EFTUD2: variants seen among roughly 807,000 people sequenced by gnomAD.
EFTUD2 encodes 116 kDa U5 small nuclear ribonucleoprotein component.
A neutral mutation model predicts 114.3 loss-of-function variants in EFTUD2; 9 were observed. The observed-to-expected ratio is 0.08, with a 90% CI of 0.05 to 0.14. EFTUD2 has a LOEUF of 0.14. Among genes scored for constraint, EFTUD2 ranks in the 10% least tolerant of loss-of-function variants. EFTUD2 has a pLI of 1.00. For synonymous variants in EFTUD2, 449 were observed against 462.3 expected (o/e 0.97, Z 0.37); for missense variants, 765 against 1,241.2 (o/e 0.62, Z 5.76).
At chr17:44,876,610 T>C (rs528289758) in intron 9 of EFTUD2, among the ~76,000 whole-genome samples, 29 of 152,084 alleles carry the variant, frequency 1.9e-4, no homozygotes, top group Non-Finnish European at 3.8e-4. Flanking sequence ...TCCAGCACTT[T>C]GGGAGGCTGA....
chr17:44,895,570 C>T (rs1262201327), intron 1 of EFTUD2, among the ~76,000 whole-genome samples: 2 of 151,598 alleles, frequency 1.3e-5, no homozygotes, highest in African/African-American at 4.8e-5. Context: ...CAGTTGCCTT[C>T]ACACTGTAAT....
chr17:44,856,977 T>C, intron 20 of EFTUD2, 98 bp downstream of exon 20: 1 of 999,264 alleles, frequency 1.0e-6, no homozygotes, highest in Middle Eastern at 2.7e-4. Context: ...TAGAGGTCTC[T>C]ATGTGCATAG....
chr17:44,856,165 CA>C (rs1420588345), intron 20 of EFTUD2, among the ~76,000 whole-genome samples: 4 of 136,758 alleles, frequency 2.9e-5, no homozygotes, highest in Admixed American at 7.5e-5. Flanking sequence ...GCCACAGTAT[CA>C]GGGGCAAGGT....
chr17:44,879,011 G>A (rs1439658305), intron 9 of EFTUD2, among the ~76,000 whole-genome samples: 1 of 152,126 alleles, frequency 6.6e-6, no homozygotes, highest in Non-Finnish European at 1.5e-5. Context: ...TTTTATCTTT[G>A]TGTTTTCTGA....
rs1163697900 is a variant in EFTUD2, at chr17:44,857,162, G to T, written c.1963-5C>A. 1 of 1,613,396 alleles carries T rather than the reference G, an allele frequency of 6.2e-7. No homozygotes were observed. The highest frequency in any genetic ancestry group is 1.3e-5 in the African/African-American group (1 of 74,896). ...CGTGACAACTGGGTCAGCCACCTGG[G>T]AAACAGAAAATAAATTACTGAAGCG... On this transcript the variant is annotated splice_region_variant and splice_polypyrimidine_tract_variant and intron_variant, in intron 19 of 27. Coordinates refer to ENST00000426333, the MANE Select transcript of EFTUD2 (RefSeq NM_004247.4).
chr17:44,882,984 G>T, intron 6 of EFTUD2, 109 bp downstream of exon 6: 2 of 972,008 alleles, frequency 2.1e-6, no homozygotes, highest in Non-Finnish European at 3.0e-6. Context: ...GCTGCACTTT[G>T]GAGGCGTCAT....
In EFTUD2 at chr17:44,890,201, A is replaced by G. The variant is rs539751515; in HGVS notation, c.106-3451T>C. ...GTATTTTTGTATTTTTGTATTTTTA[A>G]TAGAGACAGGGTTTCATCACGTTGG... On this transcript the variant is annotated intron_variant, in intron 2 of 27. Transcript: ENST00000426333. Among the ~76,000 whole-genome samples, 706 of 151,234 alleles carry G rather than the reference A, an allele frequency of 4.7e-3. 7 individuals are homozygous for G. The highest frequency in any genetic ancestry group is 0.017 in the African/African-American group (693 of 41,272).
intron 2 of EFTUD2, among the ~76,000 whole-genome samples, chr17:44,893,523 A>G (rs77085569): frequency 0.012 from 1,854 of 152,346 alleles, 39 homozygotes; most frequent in African/African-American, 0.042. Context: ...AGTGGGAATT[A>G]TTCATGACTG....
chr17:44,864,778 G>A (rs1467117934), intron 14 of EFTUD2, 152 bp downstream of exon 14: 45 of 1,206,568 alleles, frequency 3.7e-5, no homozygotes, highest in Non-Finnish European at 4.6e-5. Context: ...AAAGCAGCTA[G>A]GAAAAACACC....
chr17:44,851,787 T>A lies in EFTUD2; in HGVS notation c.2746A>T (p.Ile916Phe). 5 of 1,609,694 alleles carry A rather than the reference T, an allele frequency of 3.1e-6. No individual in the cohort carries two copies. Among genetic ancestry groups the A allele is most frequent in the Non-Finnish European group, 4.2e-6 (5 of 1,178,652 alleles). ...IVPGDPLDKS[I>F]VIRPLEPQPA... is the part of the protein sequence containing the mutation. ...TGTGGCTCCAAGGGGCGGATGACAATGCTCTTGTCCAGGGGATCACCAGGC... is the reference window on the plus strand; with the variant it reads ...TGTGGCTCCAAGGGGCGGATGACAAAGCTCTTGTCCAGGGGATCACCAGGC... The change falls in exon 27 of 28, where the codon ATT becomes TTT. Residue 916 changes from isoleucine to phenylalanine, a missense_variant. This residue lies in a region of EFTUD2 where 166 missense variants were observed against 401.5 expected (regional missense o/e 0.41). Transcript: ENST00000426333.
chr17:44,884,562 C>T (rs1227897782), intron 4 of EFTUD2, among the ~76,000 whole-genome samples: 1 of 150,136 alleles, frequency 6.7e-6, no homozygotes, highest in Non-Finnish European at 1.5e-5. Context: ...AATGATCCTA[C>T]ACATATATCT....
intron 9 of EFTUD2, 34 bp downstream of exon 9, chr17:44,879,522 G>T: frequency 6.2e-7 from 1 of 1,609,668 alleles, no homozygotes; most frequent in Non-Finnish European, 8.5e-7. Flanking sequence ...AACATAACAG[G>T]TGGATGAGAT....
chr17:44,893,355 G>A lies in EFTUD2; in HGVS notation c.105+1062C>T, dbSNP rs371988590. 1.5e-4 allele frequency among the ~76,000 whole-genome samples: 23 copies of A among 152,200 alleles called. 1 individual carries two copies. In the East Asian group the frequency reaches 3.9e-3, roughly 26 times the overall value. On this transcript the variant is annotated intron_variant, in intron 2 of 27. Transcript: ENST00000426333. ...TCAGGTTAGTCTTGAACTCCTGACC[G>A]TGTGATCTGACCACCTTGGCCTCCC...
chr17:44,883,188 C>G (rs150415160), intron 5 of EFTUD2, 30 bp from the exon 6 acceptor site: 75 of 1,610,826 alleles, frequency 4.7e-5, no homozygotes, highest in Middle Eastern at 3.3e-4. Context: ...TAACATCTGC[C>G]GACCACAGAG....
At chr17:44,862,655 T>C in intron 16 of EFTUD2, 58 bp downstream of exon 16, 1 of 1,516,600 alleles carries the variant, frequency 6.6e-7, no homozygotes, top group Non-Finnish European at 8.9e-7. Flanking sequence ...TCCAGCTCCT[T>C]GGGGGCAGCC....
intron 13 of EFTUD2, among the ~76,000 whole-genome samples, chr17:44,866,575 T>C (rs1032650206): frequency 3.3e-5 from 5 of 151,750 alleles, no homozygotes; most frequent in African/African-American, 9.7e-5. Context: ...AATGGGGTCT[T>C]GCCATGTTGC....
rs1307795882 is a variant in EFTUD2 at position 44,859,180 on chromosome 17, A to C, written c.1862T>G (p.Val621Gly). 39 of 1,609,842 alleles carry C rather than the reference A, an allele frequency of 2.4e-5. No individual in the cohort carries two copies. Among genetic ancestry groups the C allele is most frequent in the Non-Finnish European group, 3.0e-5 (35 of 1,176,184 alleles). Reference protein sequence around the residue: ...NKSYPSLTTKVEESGEHVILG... With the variant: ...NKSYPSLTTKGEESGEHVILG... ...GATCACATGCTCGCCAGACTCCTCCACCTGAAACACAACAGGCAGTCACAG... is the reference window on the plus strand; with the variant it reads ...GATCACATGCTCGCCAGACTCCTCCCCCTGAAACACAACAGGCAGTCACAG... Residue 621 changes from valine (V) to glycine (G), a missense_variant and splice_region_variant, in exon 19 of 28, where the codon GTG becomes GGG. Val to Gly is a moderately radical substitution (Grantham distance 109). Around this residue, in one of 6 missense-constraint regions of EFTUD2, gnomAD observed 149 missense variants for 245.1 expected, o/e 0.61. Coordinates refer to ENST00000426333, the MANE Select transcript of EFTUD2 (RefSeq NM_004247.4).
chr17:44,867,864 G>A lies in EFTUD2; in HGVS notation c.1092C>T (p.Ser364=). 1.2e-6 allele frequency: 2 copies of A among 1,604,952 alleles called. No individual in the cohort carries two copies. The highest frequency in any genetic ancestry group is 1.7e-6 in the Non-Finnish European group (2 of 1,175,518). The change falls in exon 13 of 28, where the codon AGC becomes AGT. Residue 364 remains serine (S), a synonymous_variant. Coordinates refer to ENST00000426333, the MANE Select transcript of EFTUD2 (RefSeq NM_004247.4). ...RKFTKKAPTS[S]SQRSFVEFIL... Reference sequence around the variant, plus strand: ...TAAACTCCACGAAACTTCTCTGGGAGCTGCTAGTTGGGGCCTTTTTGGTGA... The same window carrying A: ...TAAACTCCACGAAACTTCTCTGGGAACTGCTAGTTGGGGCCTTTTTGGTGA...
chr17:44,862,981 G>C, intron 15 of EFTUD2, 75 bp from the exon 16 acceptor site: 1 of 1,267,966 alleles, frequency 7.9e-7, no homozygotes, highest in Non-Finnish European at 1.1e-6. Context: ...CATCTTCCTT[G>C]ACAGCAAGGA....
Sources: allele counts gnomAD v4.1 joint callset (sites outside exome capture counted in the v4.1 genomes callset), GRCh38; gene constraint gnomAD v4.1.1; regional missense constraint gnomAD v4.1.1; transcripts MANE v1.5; gene names NCBI Gene and HGNC (gene_info 2026-07-23, HGNC 2026-07-21).